ATP8B1: variants seen among roughly 807,000 people sequenced by gnomAD.
ATP8B1 encodes phospholipid-transporting ATPase IC.
ATP8B1 carries 80 observed loss-of-function variants against 149.9 expected under a neutral mutation model. The ratio of observed to expected loss-of-function variants is 0.53; its 90% confidence interval spans 0.45 to 0.64. ATP8B1 has a LOEUF of 0.64. ATP8B1 is among the 30% of genes least tolerant of loss of function. The probability of loss-of-function intolerance (pLI) is 0.00; values close to 1 mark genes in which losing one functional copy is unlikely to be tolerated. For missense variants in ATP8B1, 1,247 were observed against 1,552.6 expected (o/e 0.80, Z 3.31); for synonymous variants, 536 against 562.8 (o/e 0.95, Z 0.67).
intron 2 of ATP8B1, among the ~76,000 whole-genome samples, chr18:57,722,230 C>G (rs868701708): frequency 2.0e-5 from 3 of 150,894 alleles, no homozygotes; most frequent in African/African-American, 2.5e-5. Flanking sequence ...TAGCAGAAGG[C>G]AAGAAATAAC....
chr18:57,767,423 A>G (rs1361969377), intron 1 of ATP8B1, among the ~76,000 whole-genome samples: 2 of 152,170 alleles, frequency 1.3e-5, no homozygotes, highest in African/African-American at 4.8e-5. Flanking sequence ...TAAAATTAGA[A>G]GCCAGATCAG....
chr18:57,735,686 T>TTACTTTAA (rs2079843849), intron 1 of ATP8B1: 4 of 152,240 alleles, frequency 2.6e-5, no homozygotes, highest in African/African-American at 9.6e-5. Flanking sequence ...TTTCATGGTT[T>TTACTTTAA]ATACTATTTT....
At chr18:57,682,443 A>T (rs1375365142) in intron 15 of ATP8B1, among the ~76,000 whole-genome samples, 4 of 152,236 alleles carry the variant, frequency 2.6e-5, no homozygotes, top group South Asian at 2.1e-4. Flanking sequence ...CTGGGGAAAG[A>T]TAGAATAGGG....
Position 57,676,680 on chromosome 18 carries a change from C to T in ATP8B1, c.1631-1658G>A, listed in dbSNP as rs562439727. On this transcript the variant is annotated intron_variant, in intron 15 of 27. Transcript: ENST00000648908. ...GTTGCAGTGAGCCGAGATCTCGCCA[C>T]TGCACTCCACCCTGGTGACAGACCG... Among the ~76,000 whole-genome samples, 92 of 127,202 alleles carry T rather than the reference C, an allele frequency of 7.2e-4. 1 individual carries two copies. The highest frequency in any genetic ancestry group is 6.4e-4 in the Non-Finnish European group (41 of 64,054). The allele number at this position is 127,202 out of a possible 152,430, so 83.4% of individuals were successfully genotyped here. A position where few individuals can be genotyped will look rare whatever the true frequency, so the allele number is the denominator to read the frequency against.
chr18:57,781,740 C>G (rs991422788), intron 1 of ATP8B1, among the ~76,000 whole-genome samples: 2 of 152,012 alleles, frequency 1.3e-5, no homozygotes, highest in Non-Finnish European at 2.9e-5. Context: ...TTTGGGAGGC[C>G]GAGATGGGAG....
chr18:57,667,655 CAT>C (rs1300239519), intron 19 of ATP8B1: 1 of 186,740 alleles, frequency 5.4e-6, no homozygotes, highest in Non-Finnish European at 1.1e-5. Context: ...TATTATCAAA[CAT>C]ATAAACTGGT....
chr18:57,683,895 G>GT (rs1290640524), intron 15 of ATP8B1, 141 bp downstream of exon 15: 34 of 1,109,090 alleles, frequency 3.1e-5, no homozygotes, highest in Non-Finnish European at 4.3e-5. Flanking sequence ...CCATCTAGTG[G>GT]TAAGTGCTGA....
At chr18:57,756,451 C>T (rs2080085671) in intron 1 of ATP8B1, among the ~76,000 whole-genome samples, 1 of 151,542 alleles carries the variant, frequency 6.6e-6, no homozygotes, top group Non-Finnish European at 1.5e-5. Context: ...CAGGCGCCTG[C>T]CACCATGCCC....
intron 1 of ATP8B1, among the ~76,000 whole-genome samples, chr18:57,790,967 C>G (rs1447942089): frequency 6.6e-6 from 1 of 152,150 alleles, no homozygotes; most frequent in Non-Finnish European, 1.5e-5. Flanking sequence ...GGCAATTTGT[C>G]CATCTTGGCC....
intron 2 of ATP8B1, among the ~76,000 whole-genome samples, chr18:57,730,305 G>A (rs1053249702): frequency 1.3e-5 from 2 of 152,200 alleles, no homozygotes; most frequent in African/African-American, 4.8e-5. Flanking sequence ...CAGTAACAGA[G>A]ACCTCGGGAA....
intron 1 of ATP8B1, among the ~76,000 whole-genome samples, chr18:57,790,628 GTATAACCTCC>G (rs2080455723): frequency 6.6e-6 from 1 of 151,982 alleles, no homozygotes; most frequent in South Asian, 2.1e-4. Context: ...CTCAACTTAA[GTATAACCTCC>G]TTCAAGAGAC....
At chr18:57,742,244 A>G (rs1001981166) in intron 1 of ATP8B1, among the ~76,000 whole-genome samples, 1 of 152,216 alleles carries the variant, frequency 6.6e-6, no homozygotes, top group Non-Finnish European at 1.5e-5. Context: ...TCATGAAGCA[A>G]TAGTAATAAA....
intron 2 of ATP8B1, among the ~76,000 whole-genome samples, chr18:57,724,505 C>T (rs911929711): frequency 6.6e-6 from 1 of 152,120 alleles, no homozygotes; most frequent in African/African-American, 2.4e-5. Flanking sequence ...AAAAAATGCT[C>T]ATCATCACTG....
Position 57,717,011 on chromosome 18 carries a change from T to C in ATP8B1, c.182-10424A>G, listed in dbSNP as rs541651849. Among the ~76,000 whole-genome samples the C allele has an allele frequency of 4.6e-5, 7 of 152,032 alleles. No individual in the cohort carries two copies. The South Asian group carries it at 1.5e-3, about 32-fold the overall frequency. ...AATGAGTAAAACTAGAAATCAATAATAAGAGGAATTTTGGAAACTATACAA... is the reference window on the plus strand; with the variant it reads ...AATGAGTAAAACTAGAAATCAATAACAAGAGGAATTTTGGAAACTATACAA... On this transcript the variant is annotated intron_variant, in intron 2 of 27. Coordinates refer to ENST00000648908, the MANE Select transcript of ATP8B1 (RefSeq NM_001374385.1).
chr18:57,720,152 A>G (rs2079628683), intron 2 of ATP8B1, among the ~76,000 whole-genome samples: 1 of 150,774 alleles, frequency 6.6e-6, no homozygotes, highest in Admixed American at 6.6e-5. Flanking sequence ...GGGAAAAAAC[A>G]GAACAGAAAA....
chr18:57,691,841 G>T lies in ATP8B1; in HGVS notation c.1186C>A (p.Leu396Ile). 6.2e-7 allele frequency: 1 copy of T among 1,614,130 alleles called. No individual in the cohort carries two copies. Among genetic ancestry groups the T allele is most frequent in the Non-Finnish European group, 8.5e-7 (1 of 1,180,006 alleles). Residue 396 changes from leucine (L) to isoleucine (I), a missense_variant, in exon 12 of 28, where the codon CTC (leucine) becomes ATC (isoleucine). By Grantham distance (5) the Leu-to-Ile change is conservative. Transcript: ENST00000648908. ...FLIFWGYIIV[L>I]NTMVPISLYV... Reference sequence around the variant, plus strand: ...AGAGAGATGGGTACCATGGTGTTGAGAACAATGATATAGCCCCAGAAAATG... The same window carrying T: ...AGAGAGATGGGTACCATGGTGTTGATAACAATGATATAGCCCCAGAAAATG...
At chr18:57,733,298 C>G (rs775577860) in intron 1 of ATP8B1, among the ~76,000 whole-genome samples, 12 of 152,162 alleles carry the variant, frequency 7.9e-5, no homozygotes, top group Non-Finnish European at 1.6e-4. Context: ...TAGACATGTG[C>G]TCTTTGAAAC....
intron 1 of ATP8B1, among the ~76,000 whole-genome samples, chr18:57,786,627 G>A (rs536538573): frequency 3.4e-4 from 52 of 152,266 alleles, no homozygotes; most frequent in African/African-American, 1.2e-3. Flanking sequence ...AGAATGTACA[G>A]GGAACCACTA....
chr18:57,798,091 C>G (rs2080534977), intron 1 of ATP8B1, among the ~76,000 whole-genome samples: 1 of 152,062 alleles, frequency 6.6e-6, no homozygotes, highest in African/African-American at 2.4e-5. Context: ...GGTAATTCCC[C>G]CAGCATAGTC....
Sources: gnomAD v4.1 joint callset for allele counts (sites outside exome capture counted in the v4.1 genomes callset) on GRCh38, gnomAD v4.1.1 for gene constraint, MANE v1.5 for transcripts, NCBI Gene and HGNC (gene_info 2026-07-23, HGNC 2026-07-21) for gene names.